Variants in NRAP observed in about 807,000 individuals in gnomAD.
NRAP encodes the protein nebulin-related-anchoring protein.
In NRAP, 189 loss-of-function variants were observed where a neutral mutation model predicts 225.9. The observed-to-expected ratio is 0.84, with a 90% CI of 0.74 to 0.94. The LOEUF (loss-of-function observed/expected upper bound fraction) is 0.94, where lower values mean the gene tolerates loss of function less well. Ranked by LOEUF, NRAP falls within the 40% of genes least tolerant of loss-of-function variation. The pLI is 0.00. For missense variants in NRAP, 2,176 were observed against 2,168.7 expected (o/e 1.00, Z -0.07); for synonymous variants, 769 against 790.7 (o/e 0.97, Z 0.46).
intron 24 of NRAP, 141 bp from the exon 25 acceptor site, chr10:113,620,849 A>G: frequency 1.6e-6 from 1 of 643,572 alleles, no homozygotes; most frequent in Non-Finnish European, 2.8e-6. Context: ...CATTTCTGCA[A>G]AGTCACAGGT....
chr10:113,640,647 C>A (rs1486246076), intron 13 of NRAP, among the ~76,000 whole-genome samples: 1 of 151,948 alleles, frequency 6.6e-6, no homozygotes, highest in Non-Finnish European at 1.5e-5. Context: ...TGGCTAACCC[C>A]AAGAAAATAG....
chr10:113,629,147 T>C (rs1215565519), intron 19 of NRAP, 126 bp from the exon 20 acceptor site: 1 of 731,632 alleles, frequency 1.4e-6, no homozygotes, highest in Non-Finnish European at 2.4e-6. Context: ...CCTGCTCCTT[T>C]ATGGTCAGGC....
In NRAP at chr10:113,589,811, G is replaced by C. The variant is rs763562082; in HGVS notation, c.4957-14C>G. On this transcript the variant is annotated splice_polypyrimidine_tract_variant and intron_variant, in intron 40 of 41. Transcript: ENST00000359988. Reference sequence around the variant, plus strand: ...TTTATACTTGACCTTGAGGGTAAGAGGGAAGCAAGAGGAATATGTCAGCAG... The same window carrying C: ...TTTATACTTGACCTTGAGGGTAAGACGGAAGCAAGAGGAATATGTCAGCAG... 6.2e-7 allele frequency: 1 copy of C among 1,612,116 alleles called. No homozygotes were observed. The highest frequency in any genetic ancestry group is 2.2e-5 in the East Asian group (1 of 44,868).
intron 39 of NRAP, among the ~76,000 whole-genome samples, chr10:113,591,712 G>A (rs1399961436): frequency 6.6e-6 from 1 of 152,138 alleles, no homozygotes; most frequent in Non-Finnish European, 1.5e-5. Context: ...ATTAATCTGG[G>A]AGATAAGATC....
chr10:113,604,617 G>A lies in NRAP; in HGVS notation c.4219C>T (p.Gln1407Ter), dbSNP rs764967276. The A allele has an allele frequency of 9.3e-6, 15 of 1,613,044 alleles. No homozygotes were observed. Among genetic ancestry groups the A allele is most frequent in the Non-Finnish European group, 1.3e-5 (15 of 1,179,122 alleles). ...CACAAGGCCACCCCTACCTCACTCTGCAGGGCATGGGCTTTCTTGGCCCAG... is the reference window on the plus strand; with the variant it reads ...CACAAGGCCACCCCTACCTCACTCTACAGGGCATGGGCTTTCTTGGCCCAG... The part of the protein sequence containing the change: ...MAWAKKAHAL[Q>*]SELRYKSDLI... Residue 1407 changes from glutamine to a stop codon, truncating the protein, a stop_gained, in exon 35 of 42, where the codon CAG (glutamine) becomes TAG (stop). Transcript: ENST00000359988. LOFTEE classifies it high-confidence loss of function.
At chr10:113,658,502 A>T (rs528148178) in intron 3 of NRAP, among the ~76,000 whole-genome samples, 1 of 152,316 alleles carries the variant, frequency 6.6e-6, no homozygotes, top group African/African-American at 2.4e-5. Flanking sequence ...TGTAAAAAGG[A>T]CTAATTATAA....
intron 14 of NRAP, 104 bp downstream of exon 14, chr10:113,640,123 G>T: frequency 1.5e-6 from 1 of 673,016 alleles, no homozygotes; most frequent in South Asian, 1.9e-5. Flanking sequence ...AACCTCTTAT[G>T]AACTGTTGTA....
intron 24 of NRAP, 142 bp downstream of exon 24, chr10:113,621,722 CAAAGT>C: frequency 1.5e-6 from 1 of 680,528 alleles, no homozygotes; most frequent in Admixed American, 3.0e-5. Context: ...AAACCACTAG[CAAAGT>C]AAAGTGTTGC....
At chr10:113,641,909 A>G (rs1488738977) in intron 12 of NRAP, among the ~76,000 whole-genome samples, 1 of 152,216 alleles carries the variant, frequency 6.6e-6, no homozygotes, top group Non-Finnish European at 1.5e-5. Flanking sequence ...TATATGAAGG[A>G]CAAAACCTGA....
chr10:113,646,943 C>T lies in NRAP; in HGVS notation c.973G>A (p.Ala325Thr). 1.2e-6 allele frequency: 2 copies of T among 1,613,766 alleles called. No individual in the cohort carries two copies. Among genetic ancestry groups the T allele is most frequent in the Admixed American group, 1.7e-5 (1 of 60,028 alleles). ...CTTACGTCACTAGCGAGTTCGTGAG[C>T]TTTCTTGGCGTTCTGATATGCTGGA... ...ITPAYQNAKK[A>T]HELASDIKYR... Residue 325 changes from alanine (A) to threonine (T), a missense_variant, in exon 10 of 42, where the codon GCT becomes ACT. Transcript: ENST00000359988.
At chr10:113,601,530 CATA>C (rs1450343264) in intron 35 of NRAP, among the ~76,000 whole-genome samples, 5 of 152,212 alleles carry the variant, frequency 3.3e-5, no homozygotes, top group Non-Finnish European at 7.3e-5. Context: ...ATGCGTACAG[CATA>C]ATATGGTCAT....
Position 113,604,774 on chromosome 10 carries a change from T to G in NRAP, c.4062A>C (p.Gln1354His), listed in dbSNP as rs1846834772. The change falls in exon 35 of 42, where the codon CAA (glutamine) becomes CAC (histidine). Residue 1354 changes from glutamine to histidine, a missense_variant. Physicochemically the swap from Gln to His is conservative, Grantham distance 24 (BLOSUM62 0). Around this residue, in one of 3 missense-constraint regions of NRAP, gnomAD observed 1,708 missense variants for 1,695.5 expected, o/e 1.01. Transcript: ENST00000359988. ...LQYRRGATSS[Q>H]AQFHLPMDMV... ...TGTCCATGGGCAGATGGAACTGGGC[T>G]TGGCTGCTGGTCGCCCCCCTCCTGT... 9.9e-6 allele frequency: 16 copies of G among 1,614,100 alleles called. No homozygotes were observed. The highest frequency in any genetic ancestry group is 1.4e-5 in the Non-Finnish European group (16 of 1,180,040).
chr10:113,620,847 CAA>C (rs1564724655), intron 24 of NRAP, 139 bp from the exon 25 acceptor site: 7 of 657,502 alleles, frequency 1.1e-5, no homozygotes, highest in South Asian at 9.0e-5. Flanking sequence ...TGCATTTCTG[CAA>C]AGTCACAGGT....
chr10:113,637,211 G>T (rs1848923777), intron 14 of NRAP, among the ~76,000 whole-genome samples: 1 of 152,050 alleles, frequency 6.6e-6, no homozygotes, highest in Non-Finnish European at 1.5e-5. Context: ...ACCATTCCAA[G>T]TACATCATGC....
intron 9 of NRAP, among the ~76,000 whole-genome samples, chr10:113,647,605 G>GCC (rs1849625270): frequency 8.0e-6 from 1 of 125,664 alleles, no homozygotes; most frequent in African/African-American, 3.0e-5. Flanking sequence ...TAGTGGTACT[G>GCC]TCTCCCCCGG....
intron 14 of NRAP, among the ~76,000 whole-genome samples, chr10:113,637,662 G>A (rs967312753): frequency 3.3e-5 from 5 of 152,190 alleles, no homozygotes; most frequent in Admixed American, 6.5e-5. Context: ...GGTGGCTCAC[G>A]CCTGTAATCC....
Position 113,624,922 on chromosome 10 carries a change from G to T in NRAP, c.2253C>A (p.Tyr751Ter). 6.2e-7 allele frequency: 1 copy of T among 1,612,164 alleles called. No homozygotes were observed. Among genetic ancestry groups the T allele is most frequent in the Non-Finnish European group, 8.5e-7 (1 of 1,178,344 alleles). Residue 751 changes from tyrosine (Y) to a stop codon, truncating the protein, a stop_gained, in exon 22 of 42, where the codon TAC (tyrosine) becomes TAA (stop). Transcript: ENST00000359988. LOFTEE classifies it high-confidence loss of function. ...KSQELQSGVA[Y>*]KAGNEQSVHQ... Reference sequence around the variant, plus strand: ...GGACAGACTGCTCATTTCCTGCCTTGTAGGCCACCTGTTGGGAAAGAGCAC... The same window carrying T: ...GGACAGACTGCTCATTTCCTGCCTTTTAGGCCACCTGTTGGGAAAGAGCAC...
rs184161579 is a variant in NRAP at position 113,648,309 on chromosome 10, G to T, written c.889-1282C>A. 2.4e-4 allele frequency among the ~76,000 whole-genome samples: 37 copies of T among 152,154 alleles called. No individual in the cohort carries two copies. In the East Asian group the frequency reaches 6.0e-3, roughly 25 times the overall value. ...CTCCTTTTTGCCTGGCTGACAGAAG[G>T]TTCTGGCCAAATATAATAAGTAAAA... is the stretch of plus-strand genomic sequence containing the variant. On this transcript the variant is annotated intron_variant, in intron 9 of 41. Transcript: ENST00000359988.
intron 38 of NRAP, among the ~76,000 whole-genome samples, chr10:113,592,823 C>A (rs1195640150): frequency 6.6e-6 from 1 of 152,218 alleles, no homozygotes; most frequent in Non-Finnish European, 1.5e-5. Flanking sequence ...CTCATATACA[C>A]CCCTGGTGCC....
Sources: allele counts gnomAD v4.1 joint callset (sites outside exome capture counted in the v4.1 genomes callset), GRCh38; gene constraint gnomAD v4.1.1; regional missense constraint gnomAD v4.1.1; transcripts MANE v1.5; gene names NCBI Gene and HGNC (gene_info 2026-07-23, HGNC 2026-07-21).